CREB5: variants seen among roughly 807,000 people sequenced by gnomAD.
CREB5 encodes the protein cyclic AMP-responsive element-binding protein 5.
Under a neutral mutation model 57.1 loss-of-function variants are expected in CREB5, and 19 were observed. The ratio of observed to expected loss-of-function variants is 0.33; its 90% CI spans 0.23 to 0.49. CREB5 has a LOEUF of 0.49. CREB5 is among the 20% of genes least tolerant of loss of function. The probability of loss-of-function intolerance (pLI) is 0.99; values close to 1 mark genes in which losing one functional copy is unlikely to be tolerated. For synonymous variants in CREB5, 238 were observed against 238.3 expected (o/e 1.00, Z 0.01); for missense variants, 579 against 671.6 (o/e 0.86, Z 1.52).
intron 1 of CREB5, among the ~76,000 whole-genome samples, chr7:28,470,202 C>T (rs1454158441): frequency 1.3e-5 from 2 of 152,086 alleles, no homozygotes; most frequent in East Asian, 3.9e-4. Flanking sequence ...ATTAACCATC[C>T]CCATCTCCCC....
intron 1 of CREB5, among the ~76,000 whole-genome samples, chr7:28,335,090 G>T: frequency 6.6e-6 from 1 of 152,090 alleles, no homozygotes; most frequent in Non-Finnish European, 1.5e-5. Flanking sequence ...TCCTGTTTTG[G>T]TTACTATAGC....
chr7:28,492,367 C>T lies in CREB5; in HGVS notation c.76-2539C>T, dbSNP rs145906094. On this transcript the variant is annotated intron_variant, in intron 2 of 10. Transcript: ENST00000357727. Reference sequence around the variant, plus strand: ...CTCAGAAGGAAGAGTTTCTCTTGCCCTTTGTAATCTCACAGAGCTCAGTGT... The same window carrying T: ...CTCAGAAGGAAGAGTTTCTCTTGCCTTTTGTAATCTCACAGAGCTCAGTGT... Among the ~76,000 whole-genome samples the T allele has an allele frequency of 5.7e-3, 867 of 152,286 alleles. 5 individuals are homozygous for T. Among genetic ancestry groups the T allele is most frequent in the Middle Eastern group, 0.01 (3 of 294 alleles).
intron 7 of CREB5, among the ~76,000 whole-genome samples, chr7:28,791,374 ACCTT>A (rs1013999796): frequency 5.9e-4 from 90 of 151,964 alleles, no homozygotes; most frequent in African/African-American, 2.0e-3. Context: ...CTTGTTTCTC[ACCTT>A]CCTTCTTGCC....
chr7:28,484,478 G>A (rs1380317523), intron 1 of CREB5, among the ~76,000 whole-genome samples: 1 of 152,208 alleles, frequency 6.6e-6, no homozygotes, highest in African/African-American at 2.4e-5. Context: ...AGGGCTAAAT[G>A]TGGGAACTGC....
At chr7:28,737,533 A>G (rs1804055698) in intron 7 of CREB5, among the ~76,000 whole-genome samples, 1 of 78,720 alleles carries the variant, frequency 1.3e-5, no homozygotes, top group Admixed American at 1.5e-4. Context: ...ATATGTATAT[A>G]TATACGTATA....
intron 5 of CREB5, among the ~76,000 whole-genome samples, chr7:28,648,251 T>C (rs1368029265): frequency 6.6e-6 from 1 of 152,142 alleles, no homozygotes; most frequent in Non-Finnish European, 1.5e-5. Context: ...AAAGGACCAC[T>C]GATTAGCACC....
At chr7:28,636,626 G>T (rs545876974) in intron 5 of CREB5, among the ~76,000 whole-genome samples, 1 of 152,208 alleles carries the variant, frequency 6.6e-6, no homozygotes, top group African/African-American at 2.4e-5. Flanking sequence ...CCAATTATTT[G>T]TTGGATTAAT....
intron 1 of CREB5, among the ~76,000 whole-genome samples, chr7:28,363,338 A>T (rs1786527188): frequency 6.6e-6 from 1 of 152,140 alleles, no homozygotes; most frequent in Non-Finnish European, 1.5e-5. Context: ...AGCAAAGGAA[A>T]TTGGCTAGGA....
At chr7:28,324,271 G>A (rs1785541330) in intron 1 of CREB5, among the ~76,000 whole-genome samples, 1 of 152,016 alleles carries the variant, frequency 6.6e-6, no homozygotes, top group Admixed American at 6.6e-5. Flanking sequence ...CCCCTTCAGA[G>A]CAAACCTTCT....
chr7:28,678,341 C>T (rs1050495891), intron 5 of CREB5, among the ~76,000 whole-genome samples: 3 of 151,124 alleles, frequency 2.0e-5, no homozygotes, highest in Non-Finnish European at 4.4e-5. Flanking sequence ...TGAGCCAAGA[C>T]GGCACCACTA....
At chr7:28,776,987 G>A (rs1806691607) in intron 7 of CREB5, among the ~76,000 whole-genome samples, 2 of 152,268 alleles carry the variant, frequency 1.3e-5, no homozygotes, top group Admixed American at 1.3e-4. Flanking sequence ...TGACTATTAT[G>A]AATAATGTGA....
At chr7:28,583,214 T>C (rs1363410634) in intron 5 of CREB5, among the ~76,000 whole-genome samples, 2 of 152,158 alleles carry the variant, frequency 1.3e-5, no homozygotes, top group Non-Finnish European at 2.9e-5. Flanking sequence ...AACTACAAAA[T>C]TGGAAGATGC....
chr7:28,433,740 A>T (rs1788824639), intron 1 of CREB5, among the ~76,000 whole-genome samples: 1 of 151,998 alleles, frequency 6.6e-6, no homozygotes, highest in African/African-American at 2.4e-5. Context: ...GGGTTTAAAA[A>T]TTTCTTTTGG....
chr7:28,794,674 C>A (rs1807920476), intron 7 of CREB5, among the ~76,000 whole-genome samples: 1 of 152,116 alleles, frequency 6.6e-6, no homozygotes. Context: ...CTTGTCAGGG[C>A]ATTTCTTCCC....
intron 7 of CREB5, among the ~76,000 whole-genome samples, chr7:28,728,823 A>G (rs1219299152): frequency 6.6e-6 from 1 of 152,226 alleles, no homozygotes; most frequent in South Asian, 2.1e-4. Context: ...GGATAAATCC[A>G]GATGAATTCT....
At chr7:28,780,874 T>C (rs1321538849) in intron 7 of CREB5, among the ~76,000 whole-genome samples, 1 of 146,872 alleles carries the variant, frequency 6.8e-6, no homozygotes, top group East Asian at 1.9e-4. Context: ...TGTAGTTTTG[T>C]ACACTGTGTA....
chr7:28,714,499 T>C (rs1383989019), intron 5 of CREB5, among the ~76,000 whole-genome samples: 2 of 152,206 alleles, frequency 1.3e-5, no homozygotes, highest in Middle Eastern at 3.2e-3. Flanking sequence ...ACGAAAGCAC[T>C]GGCCTGAGGA....
chr7:28,311,511 TAC>T (rs1785276681), intron 1 of CREB5, among the ~76,000 whole-genome samples: 1 of 152,256 alleles, frequency 6.6e-6, no homozygotes, highest in African/African-American at 2.4e-5. Context: ...GTCCTCCTTT[TAC>T]ACATTTAAAA....
At chr7:28,603,621 A>C (rs1288673134) in intron 5 of CREB5, among the ~76,000 whole-genome samples, 1 of 152,214 alleles carries the variant, frequency 6.6e-6, no homozygotes, top group South Asian at 2.1e-4. Flanking sequence ...GTGGCTGCTA[A>C]TGAGCAATGA....
Sources: gnomAD v4.1 joint callset for allele counts (sites outside exome capture counted in the v4.1 genomes callset) on GRCh38, gnomAD v4.1.1 for gene constraint, MANE v1.5 for transcripts, NCBI Gene and HGNC (gene_info 2026-07-23, HGNC 2026-07-21) for gene names.